Variants in CPA6 observed in about 807,000 individuals in gnomAD.
CPA6 encodes the protein carboxypeptidase B.
CPA6 carries 58 observed loss-of-function variants against 63.3 expected under a neutral mutation model. The observed-to-expected ratio is 0.92, with a 90% confidence interval of 0.74 to 1.14. CPA6 has a LOEUF of 1.14. Ranked by LOEUF, CPA6 falls within the 50% of genes most tolerant of loss-of-function variation. The pLI, the probability that CPA6 is intolerant of heterozygous loss-of-function variation, is 0.00. For missense variants in CPA6, 565 were observed against 526.6 expected (o/e 1.07, Z -0.71); for synonymous variants, 185 against 179.0 (o/e 1.03, Z -0.27).
chr8:67,644,777 A>G (rs754968566), intron 1 of CPA6, among the ~76,000 whole-genome samples: 26 of 152,294 alleles, frequency 1.7e-4, no homozygotes, highest in Non-Finnish European at 2.5e-4. Context: ...GGCCAAAGGG[A>G]ACCAGGCTTC....
chr8:67,699,443 A>AAAAC (rs1816975157), intron 1 of CPA6, among the ~76,000 whole-genome samples: 1 of 152,074 alleles, frequency 6.6e-6, no homozygotes, highest in Non-Finnish European at 1.5e-5. Flanking sequence ...AAAACAAAAC[A>AAAAC]AAACAAAACA....
chr8:67,505,903 A>C (rs1811916770), intron 6 of CPA6, among the ~76,000 whole-genome samples: 1 of 152,246 alleles, frequency 6.6e-6, no homozygotes, highest in East Asian at 1.9e-4. Context: ...TGTGTCTTTA[A>C]TGGTTTTCTA....
At position 67,506,779 on chromosome 8, in the gene CPA6, T is replaced by C; in HGVS notation, c.636+8A>G. 1 of 1,579,458 alleles carries C rather than the reference T, an allele frequency of 6.3e-7. No individual in the cohort carries two copies. On this transcript the variant is annotated splice_region_variant and intron_variant, in intron 6 of 10. Coordinates refer to ENST00000297770, the MANE Select transcript of CPA6 (RefSeq NM_020361.5). ...TGAAATGGACATTGTGTAAAGGGTT[T>C]AACTTACTTCTTTTACAAACCACTG...
At chr8:67,628,979 G>A (rs1360575240) in intron 1 of CPA6, among the ~76,000 whole-genome samples, 1 of 152,174 alleles carries the variant, frequency 6.6e-6, no homozygotes, top group African/African-American at 2.4e-5. Flanking sequence ...TCTGGGTGTG[G>A]TGGCACATGC....
intron 9 of CPA6, among the ~76,000 whole-genome samples, chr8:67,432,819 G>T (rs1810058175): frequency 6.6e-6 from 1 of 152,164 alleles, no homozygotes; most frequent in Non-Finnish European, 1.5e-5. Flanking sequence ...CCTGAGCTCT[G>T]TGAGTCATTC....
At chr8:67,585,243 A>G (rs149348075) in intron 2 of CPA6, among the ~76,000 whole-genome samples, 135 of 152,296 alleles carry the variant, frequency 8.9e-4, no homozygotes, top group African/African-American at 2.7e-3. Context: ...GCATATAAAC[A>G]TTGTTGCAGG....
rs946497857 is a variant in CPA6 at position 67,711,399 on chromosome 8, A to G, written c.116+34615T>C. Reference sequence around the variant, plus strand: ...TAGTACAGAAAATATCAGATTTATCAGGGTTTCCACACAGCATTTGAAACA... The same window carrying G: ...TAGTACAGAAAATATCAGATTTATCGGGGTTTCCACACAGCATTTGAAACA... On this transcript the variant is annotated intron_variant, in intron 1 of 10. Transcript: ENST00000297770. 8.0e-4 allele frequency among the ~76,000 whole-genome samples: 122 copies of G among 152,354 alleles called. 1 individual carries two copies. Among genetic ancestry groups the G allele is most frequent in the African/African-American group, 2.4e-3 (100 of 41,582 alleles).
intron 1 of CPA6, among the ~76,000 whole-genome samples, chr8:67,674,177 G>A (rs1048564172): frequency 6.6e-6 from 1 of 152,214 alleles, no homozygotes; most frequent in Non-Finnish European, 1.5e-5. Flanking sequence ...TAGCTAGTGA[G>A]TGGCAGAGCC....
rs188400489 is a variant in CPA6 at position 67,563,492 on chromosome 8, C to T, written c.193-45445G>A. On this transcript the variant is annotated intron_variant, in intron 2 of 10. Transcript: ENST00000297770. ...AAATCTTGGACAGAACATGGGAAAGCACAGCTCTGAAATTCTTTCAGGGAG... is the reference window on the plus strand; with the variant it reads ...AAATCTTGGACAGAACATGGGAAAGTACAGCTCTGAAATTCTTTCAGGGAG... 9.0e-4 allele frequency among the ~76,000 whole-genome samples: 137 copies of T among 152,200 alleles called. 1 individual carries two copies. The East Asian group carries it at 0.019, about 21-fold the overall frequency.
In CPA6 at chr8:67,746,002, C is replaced by T. The variant is rs773617395; in HGVS notation, c.116+12G>A. On this transcript the variant is annotated intron_variant, in intron 1 of 10. Transcript: ENST00000297770. ...TCAAAGCTGTGTAGGGCATGAATGT[C>T]GCTCCACTTACCCAGCATAGCGGTT... 13 of 1,599,090 alleles carry T rather than the reference C, an allele frequency of 8.1e-6. No individual in the cohort carries two copies. Among genetic ancestry groups the T allele is most frequent in the South Asian group, 3.3e-5 (3 of 90,152 alleles).
intron 3 of CPA6, among the ~76,000 whole-genome samples, chr8:67,516,015 A>C (rs1435630158): frequency 6.6e-6 from 1 of 152,132 alleles, no homozygotes; most frequent in African/African-American, 2.4e-5. Context: ...TATTAGACCC[A>C]GGGATGAATA....
At position 67,422,190 on chromosome 8, in the gene CPA6, T is replaced by G. The variant is rs1030142308; in HGVS notation, c.*314A>C. ...CTAGATCCTAATTGAGGACATGAGATTTATTGAAGGGAAATCCTCAATTAA... is the reference window on the plus strand; with the variant it reads ...CTAGATCCTAATTGAGGACATGAGAGTTATTGAAGGGAAATCCTCAATTAA... On this transcript the variant is annotated 3_prime_UTR_variant, in exon 11 of 11. Coordinates refer to ENST00000297770, the MANE Select transcript of CPA6 (RefSeq NM_020361.5). 3.1e-5 allele frequency: 7 copies of G among 228,774 alleles called. No homozygotes were observed. Among genetic ancestry groups the G allele is most frequent in the Non-Finnish European group, 5.9e-5 (7 of 117,848 alleles). 14.2% of individuals were successfully genotyped at this position (228,774 alleles called of 1,614,324 possible).
chr8:67,435,377 C>T (rs541203135), intron 8 of CPA6, among the ~76,000 whole-genome samples: 1 of 152,026 alleles, frequency 6.6e-6, no homozygotes, highest in East Asian at 1.9e-4. Flanking sequence ...ATCCCTCCCC[C>T]CAGCGCAGGG....
chr8:67,621,031 G>A (rs560299401), intron 2 of CPA6, among the ~76,000 whole-genome samples: 3 of 152,306 alleles, frequency 2.0e-5, no homozygotes, highest in Non-Finnish European at 4.4e-5. Flanking sequence ...GTATGTGCTA[G>A]GCAGAGGGTA....
intron 1 of CPA6, among the ~76,000 whole-genome samples, chr8:67,686,416 C>T (rs1286195781): frequency 1.3e-5 from 2 of 152,214 alleles, no homozygotes; most frequent in Non-Finnish European, 2.9e-5. Context: ...TCCGCATAAA[C>T]ATTGACAAAA....
At chr8:67,504,932 T>C (rs1811898244) in intron 6 of CPA6, among the ~76,000 whole-genome samples, 1 of 152,128 alleles carries the variant, frequency 6.6e-6, no homozygotes, top group East Asian at 1.9e-4. Context: ...CTCCCAATGA[T>C]GTATCGGTGG....
At chr8:67,537,640 C>T (rs975577667) in intron 2 of CPA6, among the ~76,000 whole-genome samples, 1 of 152,132 alleles carries the variant, frequency 6.6e-6, no homozygotes, top group Non-Finnish European at 1.5e-5. Flanking sequence ...AAAACCAGCT[C>T]CTGGATTCAT....
Position 67,547,078 on chromosome 8 carries a change from G to A in CPA6, c.193-29031C>T, listed in dbSNP as rs2003263. On this transcript the variant is annotated intron_variant, in intron 2 of 10. Transcript: ENST00000297770. The stretch of plus-strand genomic sequence containing the variant: ...TATTTTTTTTGTGAGATGGAGTCTC[G>A]CTCTGTCACCCAGGCTGGAGTGCAG... Among the ~76,000 whole-genome samples, 148 of 151,950 alleles carry A rather than the reference G, an allele frequency of 9.7e-4. 1 individual carries two copies. Among genetic ancestry groups the A allele is most frequent in the African/African-American group, 3.3e-3 (137 of 41,414 alleles).
At chr8:67,516,245 A>G (rs538967775) in intron 3 of CPA6, among the ~76,000 whole-genome samples, 1 of 152,270 alleles carries the variant, frequency 6.6e-6, no homozygotes, top group Non-Finnish European at 1.5e-5. Flanking sequence ...TCATCCAGAA[A>G]ATTTAGCCAT....
Sources: gnomAD v4.1 joint callset for allele counts (sites outside exome capture counted in the v4.1 genomes callset) on GRCh38, gnomAD v4.1.1 for gene constraint, MANE v1.5 for transcripts, NCBI Gene and HGNC (gene_info 2026-07-23, HGNC 2026-07-21) for gene names.